TSPAN14: variants seen among roughly 807,000 people sequenced by gnomAD.
The protein encoded by TSPAN14 is tetraspanin-14.
A neutral mutation model predicts 36.6 loss-of-function variants in TSPAN14; 16 were observed. The ratio of observed to expected loss-of-function variants is 0.44; its 90% CI spans 0.30 to 0.66. The LOEUF (loss-of-function observed/expected upper bound fraction) is 0.66. Among genes scored for constraint, TSPAN14 ranks in the 30% least tolerant of loss-of-function variants. The pLI, the probability that TSPAN14 is intolerant of heterozygous loss-of-function variation, is 0.12. For missense variants in TSPAN14, 231 were observed against 355.1 expected (o/e 0.65, Z 2.81); for synonymous variants, 139 against 143.8 (o/e 0.97, Z 0.24).
At chr10:80,456,102 GTTGCAGGCACTA>G (rs1845723820) in intron 1 of TSPAN14, among the ~76,000 whole-genome samples, 1 of 152,198 alleles carries the variant, frequency 6.6e-6, no homozygotes, top group African/African-American at 2.4e-5. Flanking sequence ...GCGAGGCATT[GTTGCAGGCACTA>G]TTCCAAGTCT....
At chr10:80,511,931 C>G (rs946407203) in intron 5 of TSPAN14, among the ~76,000 whole-genome samples, 4 of 151,982 alleles carry the variant, frequency 2.6e-5, no homozygotes, top group Non-Finnish European at 5.9e-5. Flanking sequence ...GGTTACAGGC[C>G]TGAGCTACTA....
chr10:80,516,574 G>T (rs560232666), intron 8 of TSPAN14, among the ~76,000 whole-genome samples: 79 of 152,348 alleles, frequency 5.2e-4, no homozygotes, highest in African/African-American at 1.7e-3. Context: ...GGAGGGGCTT[G>T]TGGCCCTGCA....
intron 1 of TSPAN14, among the ~76,000 whole-genome samples, chr10:80,467,564 C>A (rs535622109): frequency 6.3e-4 from 96 of 152,106 alleles, no homozygotes; most frequent in Non-Finnish European, 1.6e-4. Context: ...AATCTAACTC[C>A]AAAATGGTTC....
chr10:80,466,052 C>T (rs1176312335), intron 1 of TSPAN14, among the ~76,000 whole-genome samples: 1 of 152,156 alleles, frequency 6.6e-6, no homozygotes, highest in Non-Finnish European at 1.5e-5. Flanking sequence ...AAACCACAGA[C>T]AGAATCTGTA....
chr10:80,500,066 C>T (rs941200140), intron 2 of TSPAN14, among the ~76,000 whole-genome samples: 5 of 152,144 alleles, frequency 3.3e-5, no homozygotes, highest in African/African-American at 7.2e-5. Context: ...TGGGGTGAAG[C>T]GGGCCAATGA....
intron 1 of TSPAN14, among the ~76,000 whole-genome samples, chr10:80,461,882 A>G (rs1458940103): frequency 2.0e-5 from 3 of 150,700 alleles, no homozygotes; most frequent in Non-Finnish European, 1.5e-5. Context: ...AGGTGCCAGT[A>G]TGGTTCTCAC....
intron 1 of TSPAN14, chr10:80,466,503 C>T (rs977428446): frequency 3.9e-5 from 6 of 152,164 alleles, no homozygotes; most frequent in Non-Finnish European, 7.3e-5. Flanking sequence ...TCAAGCTGTC[C>T]GTCTGCCTCG....
intron 1 of TSPAN14, among the ~76,000 whole-genome samples, chr10:80,474,410 G>C (rs1345215377): frequency 1.3e-5 from 2 of 151,920 alleles, no homozygotes; most frequent in Non-Finnish European, 2.9e-5. Flanking sequence ...GAGACCTTCA[G>C]ACCTTCCCTG....
chr10:80,499,469 G>A (rs944590086), intron 2 of TSPAN14, among the ~76,000 whole-genome samples: 36 of 152,158 alleles, frequency 2.4e-4, no homozygotes, highest in East Asian at 1.9e-4. Context: ...GGGTCATTTG[G>A]CTGTAGAGCT....
chr10:80,507,303 G>C (rs141853189), exon 4 of TSPAN14: 2 of 1,614,236 alleles, frequency 1.2e-6, no homozygotes, highest in Non-Finnish European at 8.5e-7. Context: ...GATGGTGGGC[G>C]TGGTGATGTT....
chr10:80,502,557 A>T (rs1377139915), intron 2 of TSPAN14, among the ~76,000 whole-genome samples: 1 of 151,976 alleles, frequency 6.6e-6, no homozygotes, highest in Non-Finnish European at 1.5e-5. Context: ...AGGGCAAAAG[A>T]GAAAGAAGGC....
At position 80,512,278 on chromosome 10, in the gene TSPAN14, G is replaced by A. The variant is rs781401639; in HGVS notation, c.576+9G>A. 2 of 1,613,412 alleles carry A rather than the reference G, an allele frequency of 1.2e-6. No individual in the cohort carries two copies. The highest frequency in any genetic ancestry group is 8.5e-7 in the Non-Finnish European group (1 of 1,179,966). ...GCGTGCCAGATCCTGCGGTGAGTTG[G>A]CTTGTGCTGGGGCACAGGGAGCCCG... On this transcript the variant is annotated intron_variant, in intron 6 of 8. Transcript: ENST00000429989.
At chr10:80,454,987 G>C (rs1193808374) in intron 1 of TSPAN14, among the ~76,000 whole-genome samples, 1 of 152,222 alleles carries the variant, frequency 6.6e-6, no homozygotes, top group Non-Finnish European at 1.5e-5. Context: ...CGGTGACCCA[G>C]CTTCTCCGCG....
chr10:80,470,518 T>C (rs1846486113), intron 1 of TSPAN14, among the ~76,000 whole-genome samples: 1 of 152,284 alleles, frequency 6.6e-6, no homozygotes, highest in African/African-American at 2.4e-5. Flanking sequence ...CCATAATCTT[T>C]ATGCCTTTCA....
chr10:80,520,354 T>A (rs1841195183), exon 9 of TSPAN14: 1 of 367,604 alleles, frequency 2.7e-6, no homozygotes, highest in African/African-American at 2.1e-5. Context: ...GGATGAGGAA[T>A]GGAAAGAAAG....
intron 1 of TSPAN14, among the ~76,000 whole-genome samples, chr10:80,477,603 G>A (rs1380803540): frequency 6.6e-6 from 1 of 152,154 alleles, no homozygotes; most frequent in African/African-American, 2.4e-5. Flanking sequence ...GGAGGGGAAC[G>A]TGGGCATCAG....
chr10:80,474,480 G>A (rs1032286942), intron 1 of TSPAN14, among the ~76,000 whole-genome samples: 1 of 151,886 alleles, frequency 6.6e-6, no homozygotes, highest in African/African-American at 2.4e-5. Flanking sequence ...GTGAGGGGAG[G>A]GGAGGTATTG....
intron 1 of TSPAN14, among the ~76,000 whole-genome samples, chr10:80,473,032 C>G (rs914879444): frequency 6.6e-6 from 1 of 152,208 alleles, no homozygotes; most frequent in Non-Finnish European, 1.5e-5. Context: ...TTCCTTTCCC[C>G]CAGCCACCTG....
At chr10:80,516,345 G>A in intron 8 of TSPAN14, 22 bp downstream of exon 8, 1 of 1,613,696 alleles carries the variant, frequency 6.2e-7, no homozygotes, top group Non-Finnish European at 8.5e-7. Context: ...GAGCCTATAG[G>A]ATTGGCAGGT....
Sources: gnomAD v4.1 joint callset for allele counts (sites outside exome capture counted in the v4.1 genomes callset) on GRCh38, gnomAD v4.1.1 for gene constraint, MANE v1.5 for transcripts, NCBI Gene and HGNC (gene_info 2026-07-23, HGNC 2026-07-21) for gene names.